The following SUGCT variants were observed in gnomAD, a reference collection of about 807,000 sequenced individuals.
The protein encoded by SUGCT is succinyl-CoA:glutarate CoA-transferase.
SUGCT carries 41 observed loss-of-function variants against 55.0 expected under a neutral mutation model. The ratio of observed to expected loss-of-function variants is 0.74; its 90% CI spans 0.58 to 0.97. SUGCT has a LOEUF of 0.97. Ranked by LOEUF, SUGCT falls within the 50% of genes least tolerant of loss-of-function variation. The pLI, the probability that SUGCT is intolerant of heterozygous loss-of-function variation, is 0.00. For missense variants in SUGCT, 568 were observed against 547.8 expected (o/e 1.04, Z -0.37); for synonymous variants, 187 against 200.4 (o/e 0.93, Z 0.56).
chr7:40,452,593 T>C (rs1789250044), intron 10 of SUGCT, among the ~76,000 whole-genome samples: 1 of 152,162 alleles, frequency 6.6e-6, no homozygotes. Flanking sequence ...GTAAGTCTTA[T>C]TGGTAGGTGA....
intron 12 of SUGCT, among the ~76,000 whole-genome samples, chr7:40,637,623 T>A (rs1300606650): frequency 6.6e-6 from 1 of 152,240 alleles, no homozygotes; most frequent in East Asian, 1.9e-4. Flanking sequence ...TTCAGCGTGA[T>A]GGTCCTCTGG....
chr7:40,278,634 T>G (rs1245953926), intron 8 of SUGCT, among the ~76,000 whole-genome samples: 1 of 152,206 alleles, frequency 6.6e-6, no homozygotes, highest in African/African-American at 2.4e-5. Flanking sequence ...TCCTTGTCTC[T>G]GTCCTCCCTT....
At chr7:40,409,111 C>T (rs1786531144) in intron 9 of SUGCT, among the ~76,000 whole-genome samples, 1 of 151,698 alleles carries the variant, frequency 6.6e-6, no homozygotes, top group East Asian at 1.9e-4. Flanking sequence ...CAAGCCACTG[C>T]ACCTGGCCAA....
chr7:40,190,691 G>A (rs1785844580), intron 5 of SUGCT, among the ~76,000 whole-genome samples: 1 of 152,046 alleles, frequency 6.6e-6, no homozygotes. Context: ...TTCATCATGT[G>A]GGATAAACCT....
chr7:40,848,393 A>C (rs1793685189), intron 13 of SUGCT, among the ~76,000 whole-genome samples: 1 of 152,166 alleles, frequency 6.6e-6, no homozygotes, highest in Non-Finnish European at 1.5e-5. Flanking sequence ...AACTCTTGGG[A>C]AAAATAGCCA....
intron 9 of SUGCT, among the ~76,000 whole-genome samples, chr7:40,332,663 T>C (rs865879987): frequency 6.6e-6 from 1 of 152,180 alleles, no homozygotes; most frequent in East Asian, 1.9e-4. Context: ...TGTTACTGTG[T>C]AGACTGCAAA....
chr7:41,005,530 G>A, the SUGCT span, among the ~76,000 whole-genome samples: 3 of 152,194 alleles, frequency 2.0e-5, no homozygotes, highest in Non-Finnish European at 4.4e-5. Context: ...AAGCTGGAAA[G>A]ACATGGCAAC....
rs1032136714 is a variant in SUGCT at position 40,402,501 on chromosome 7, A to G, written c.817-46786A>G. 2.6e-5 allele frequency among the ~76,000 whole-genome samples: 4 copies of G among 152,074 alleles called. No individual in the cohort carries two copies. The East Asian group carries it at 5.8e-4, about 22-fold the overall frequency. On this transcript the variant is annotated intron_variant, in intron 9 of 13. Transcript: ENST00000335693. ...TTTTCATAAACTTCTATGGGGGAAA[A>G]TTTATTATTAGAAAAATAAATCCCC...
At chr7:40,401,974 T>A (rs977809755) in intron 9 of SUGCT, among the ~76,000 whole-genome samples, 1 of 152,186 alleles carries the variant, frequency 6.6e-6, no homozygotes, top group African/African-American at 2.4e-5. Flanking sequence ...TTCAACAACT[T>A]TTTTGTTTTT....
the SUGCT span, among the ~76,000 whole-genome samples, chr7:41,000,826 T>C: frequency 6.6e-6 from 1 of 152,116 alleles, no homozygotes; most frequent in Non-Finnish European, 1.5e-5. Flanking sequence ...TGGAGAGGCA[T>C]AGACAGAGGC....
chr7:41,019,979 A>G, the SUGCT span, among the ~76,000 whole-genome samples: 1 of 152,212 alleles, frequency 6.6e-6, no homozygotes, highest in Non-Finnish European at 1.5e-5. Flanking sequence ...CCTGTGTTCA[A>G]TATTCACCAA....
At chr7:40,739,487 T>G (rs570611239) in intron 12 of SUGCT, among the ~76,000 whole-genome samples, 15 of 152,346 alleles carry the variant, frequency 9.8e-5, no homozygotes, top group Admixed American at 2.0e-4. Flanking sequence ...TTTTTCCTGT[T>G]TATTTTCTTA....
At chr7:40,273,625 G>A (rs1474131522) in intron 7 of SUGCT, among the ~76,000 whole-genome samples, 1 of 152,182 alleles carries the variant, frequency 6.6e-6, no homozygotes, top group Non-Finnish European at 1.5e-5. Flanking sequence ...CTGACATGAA[G>A]TGGAGATGTT....
intron 7 of SUGCT, among the ~76,000 whole-genome samples, chr7:40,274,246 C>T (rs181742042): frequency 8.6e-5 from 13 of 151,568 alleles, no homozygotes; most frequent in East Asian, 7.8e-4. Flanking sequence ...AACATCAGAT[C>T]GGTTTCTAAA....
At chr7:40,941,068 GT>G in the SUGCT span, among the ~76,000 whole-genome samples, 1 of 151,760 alleles carries the variant, frequency 6.6e-6, no homozygotes, top group Non-Finnish European at 1.5e-5. Context: ...TTTGTTGAGG[GT>G]TTTTATCTTA....
chr7:40,804,485 T>A (rs1790985150), intron 13 of SUGCT, among the ~76,000 whole-genome samples: 1 of 152,112 alleles, frequency 6.6e-6, no homozygotes, highest in Non-Finnish European at 1.5e-5. Context: ...TCATCCTGCA[T>A]CTGTTTATAT....
At chr7:40,910,149 T>C in the SUGCT span, among the ~76,000 whole-genome samples, 1 of 151,782 alleles carries the variant, frequency 6.6e-6, no homozygotes, top group African/African-American at 2.4e-5. Flanking sequence ...TCCTAAGACC[T>C]ACCAGCACAC....
chr7:40,933,140 ATC>A, the SUGCT span, among the ~76,000 whole-genome samples: 2 of 152,040 alleles, frequency 1.3e-5, no homozygotes, highest in Admixed American at 6.6e-5. Context: ...GGTGGCAACA[ATC>A]TCTCAGCGTT....
chr7:40,508,031 C>T (rs73122151), intron 12 of SUGCT, among the ~76,000 whole-genome samples: 43 of 152,336 alleles, frequency 2.8e-4, no homozygotes, highest in Middle Eastern at 3.4e-3. Flanking sequence ...CTCTCTTCCA[C>T]GTAAGGATAG....
Sources: allele counts gnomAD v4.1 joint callset (sites outside exome capture counted in the v4.1 genomes callset), GRCh38; gene constraint gnomAD v4.1.1; transcripts MANE v1.5; gene names NCBI Gene and HGNC (gene_info 2026-07-23, HGNC 2026-07-21).